The following LCA5L variants were observed in gnomAD, a reference collection of about 807,000 sequenced individuals.
LCA5L encodes the protein lebercilin-like protein.
LCA5L carries 35 observed loss-of-function variants against 45.4 expected under a neutral mutation model. The ratio of observed to expected loss-of-function variants is 0.77; its 90% CI spans 0.59 to 1.02. The LOEUF is 1.02. Among genes scored for constraint, LCA5L ranks in the 50% least tolerant of loss-of-function variants. The pLI is 0.00. For missense variants in LCA5L, 668 were observed against 761.6 expected (o/e 0.88, Z 1.45); for synonymous variants, 233 against 264.7 (o/e 0.88, Z 1.16).
At chr21:39,410,917 ACTT>A (rs768478209) in intron 8 of LCA5L, 153 of 471,188 alleles carry the variant, frequency 3.2e-4, no homozygotes, top group Non-Finnish European at 5.2e-4. Flanking sequence ...ACATGTAGCT[ACTT>A]CTTCTAATAA....
At chr21:39,407,303 C>T (rs771032384) in intron 10 of LCA5L, among the ~76,000 whole-genome samples, 2 of 152,128 alleles carry the variant, frequency 1.3e-5, no homozygotes, top group Non-Finnish European at 2.9e-5. Context: ...TTCATCCATC[C>T]AATTGGCAAA....
chr21:39,428,592 ATATATATTTTTTTT>A (rs2075215365), intron 4 of LCA5L, 89 bp from the exon 5 acceptor site: 1 of 35,156 alleles, frequency 2.8e-5, no homozygotes, highest in African/African-American at 9.7e-5. Context: ...ATATATATAT[ATATATATTTTTTTT>A]TTTTTTTTTT....
At chr21:39,441,195 A>G (rs2076816350) in intron 2 of LCA5L, among the ~76,000 whole-genome samples, 1 of 152,124 alleles carries the variant, frequency 6.6e-6, no homozygotes, top group Non-Finnish European at 1.5e-5. Flanking sequence ...CGGGTGTGAC[A>G]GTCCCAGCCA....
intron 2 of LCA5L, among the ~76,000 whole-genome samples, chr21:39,437,776 G>A (rs553496404): frequency 2.6e-5 from 4 of 152,128 alleles, no homozygotes; most frequent in South Asian, 2.1e-4. Context: ...AAAATAAAAC[G>A]ACTTAGAAAA....
At chr21:39,407,556 GAATAAT>G (rs2039295361) in intron 10 of LCA5L, among the ~76,000 whole-genome samples, 1 of 152,212 alleles carries the variant, frequency 6.6e-6, no homozygotes, top group Admixed American at 6.5e-5. Context: ...TCTGCCAAAG[GAATAAT>G]GGTTAAATAA....
chr21:39,432,964 C>T (rs2075894856), intron 3 of LCA5L, among the ~76,000 whole-genome samples: 1 of 152,174 alleles, frequency 6.6e-6, no homozygotes, highest in South Asian at 2.1e-4. Flanking sequence ...TGGGCTATTA[C>T]AAATAAAATT....
chr21:39,420,187 T>C (rs1191035003), intron 7 of LCA5L, among the ~76,000 whole-genome samples: 2 of 151,978 alleles, frequency 1.3e-5, no homozygotes, highest in Non-Finnish European at 2.9e-5. Flanking sequence ...TGTCTGTTCA[T>C]ATGATTGTAG....
rs2076201374 is a variant in LCA5L at position 39,435,455 on chromosome 21, A to C, written c.-127T>G. ...TTATTAAACTTCCCTAAGATGTCTG[A>C]TGATAAACTGAAGATAAGCACAGGG... is the stretch of plus-strand genomic sequence containing the variant. On this transcript the variant is annotated 5_prime_UTR_variant, in exon 3 of 11. Coordinates refer to ENST00000288350, the MANE Select transcript of LCA5L (RefSeq NM_152505.4). 6.6e-6 allele frequency: 1 copy of C among 152,232 alleles called. No individual in the cohort carries two copies. The highest frequency in any genetic ancestry group is 1.9e-4 in the East Asian group (1 of 5,196). The allele number at this position is 152,232 out of a possible 1,614,324, so 9.4% of individuals were successfully genotyped here. A position where few individuals can be genotyped will look rare whatever the true frequency, so the allele number is the denominator to read the frequency against.
chr21:39,411,367 G>A (rs2040060070), intron 8 of LCA5L, among the ~76,000 whole-genome samples: 1 of 152,118 alleles, frequency 6.6e-6, no homozygotes, highest in African/African-American at 2.4e-5. Context: ...TTTTATTGAG[G>A]TCAAGTATAC....
chr21:39,414,742 C>CTCTCTCTGTGTGTGTGTGTGTG (rs1341489035), intron 7 of LCA5L, among the ~76,000 whole-genome samples: 2 of 99,236 alleles, frequency 2.0e-5, no homozygotes, highest in African/African-American at 8.8e-5. Context: ...CTCTCTCTCT[C>CTCTCTCTGTGTGTGTGTGTGTG]TGTGTGTGTG....
chr21:39,418,527 G>A (rs969947181), intron 7 of LCA5L, among the ~76,000 whole-genome samples: 4 of 151,856 alleles, frequency 2.6e-5, no homozygotes, highest in African/African-American at 9.7e-5. Flanking sequence ...TTGAGATGGA[G>A]CCTCACTCTG....
chr21:39,441,118 T>C (rs990376704), intron 2 of LCA5L, among the ~76,000 whole-genome samples: 1 of 152,028 alleles, frequency 6.6e-6, no homozygotes, highest in Non-Finnish European at 1.5e-5. Context: ...GGCAGATCAC[T>C]TGGGCCCGGG....
chr21:39,440,350 A>G (rs2076707999), intron 2 of LCA5L, among the ~76,000 whole-genome samples: 1 of 152,170 alleles, frequency 6.6e-6, no homozygotes, highest in African/African-American at 2.4e-5. Context: ...ATCAATACCA[A>G]TAAGGAGGAT....
intron 2 of LCA5L, among the ~76,000 whole-genome samples, chr21:39,440,151 A>C (rs2148270751): frequency 6.6e-6 from 1 of 152,270 alleles, no homozygotes; most frequent in African/African-American, 2.4e-5. Context: ...ACACCCCAGA[A>C]ACAATGAGTA....
intron 7 of LCA5L, among the ~76,000 whole-genome samples, chr21:39,413,060 C>T (rs897862568): frequency 6.6e-6 from 1 of 152,120 alleles, no homozygotes; most frequent in Non-Finnish European, 1.5e-5. Context: ...CAGCAGGGGA[C>T]AATCACCAGG....
At chr21:39,430,585 AAAG>A (rs2148010905) in intron 3 of LCA5L, among the ~76,000 whole-genome samples, 1 of 152,272 alleles carries the variant, frequency 6.6e-6, no homozygotes, top group African/African-American at 2.4e-5. Flanking sequence ...TTGAGAAAGA[AAAG>A]AAGCTTATCT....
Position 39,406,139 on chromosome 21 carries a change from C to A in LCA5L, c.1756G>T (p.Val586Leu). ...TTATCTCTGAAAGTTGTATCCTTCA[C>A]TTTTATTCTGGAAGACTTACCAAAT... Reference protein sequence around the residue: ...PSFGKSSRIKVKDTTFRDKKS... With the variant: ...PSFGKSSRIKLKDTTFRDKKS... Residue 586 changes from valine to leucine, a missense_variant, in exon 11 of 11, where the codon GTG becomes TTG. Coordinates refer to ENST00000288350, the MANE Select transcript of LCA5L (RefSeq NM_152505.4). 2 of 1,614,250 alleles carry A rather than the reference C, an allele frequency of 1.2e-6. No homozygotes were observed. Among genetic ancestry groups the A allele is most frequent in the South Asian group, 2.2e-5 (2 of 91,090 alleles).
chr21:39,422,037 T>C (rs551748718), intron 6 of LCA5L: 1 of 152,330 alleles, frequency 6.6e-6, no homozygotes, highest in East Asian at 1.9e-4. Flanking sequence ...CACTTTGGTA[T>C]ACAAGAGTGA....
intron 2 of LCA5L, among the ~76,000 whole-genome samples, chr21:39,439,446 T>C (rs1569129486): frequency 6.6e-6 from 1 of 152,204 alleles, no homozygotes; most frequent in South Asian, 2.1e-4. Context: ...ACAGGTACCT[T>C]GAAAAACATC....
Sources: gnomAD v4.1 joint callset for allele counts (sites outside exome capture counted in the v4.1 genomes callset) on GRCh38, gnomAD v4.1.1 for gene constraint, MANE v1.5 for transcripts, NCBI Gene and HGNC (gene_info 2026-07-23, HGNC 2026-07-21) for gene names.